The following ARHGEF26 variants were observed in gnomAD, a reference collection of about 807,000 sequenced individuals.
ARHGEF26 encodes Rho guanine nucleotide exchange factor 26, also known as Rho guanine nucleotide exchange factor (GEF) 26.
Under a neutral mutation model 89.4 loss-of-function variants are expected in ARHGEF26, and 59 were observed. The observed-to-expected ratio is 0.66, with a 90% CI of 0.54 to 0.82. ARHGEF26 has a LOEUF of 0.82. Ranked by LOEUF, ARHGEF26 falls within the 40% of genes least tolerant of loss-of-function variation. The probability of loss-of-function intolerance (pLI) is 0.00; values close to 1 mark genes in which losing one functional copy is unlikely to be tolerated. For missense variants in ARHGEF26, 1,234 were observed against 1,085.6 expected (o/e 1.14, Z -1.92); for synonymous variants, 500 against 428.4 (o/e 1.17, Z -2.06).
intron 6 of ARHGEF26, among the ~76,000 whole-genome samples, chr3:154,167,569 T>G (rs1338003196): frequency 1.3e-5 from 2 of 152,206 alleles, no homozygotes; most frequent in Non-Finnish European, 1.5e-5. Context: ...GTAACTTCAT[T>G]AAATGGGCAC....
intron 6 of ARHGEF26, among the ~76,000 whole-genome samples, chr3:154,163,435 A>C (rs1711791290): frequency 6.6e-6 from 1 of 152,158 alleles, no homozygotes; most frequent in Non-Finnish European, 1.5e-5. Flanking sequence ...ATTCTTCATA[A>C]TGTATTGGCA....
At chr3:154,226,080 G>A (rs541687399) in intron 11 of ARHGEF26, 70 bp downstream of exon 11, 32 of 1,331,378 alleles carry the variant, frequency 2.4e-5, no homozygotes, top group Middle Eastern at 1.9e-4. Flanking sequence ...ATGCCTGTTA[G>A]GGTGATCATC....
chr3:154,216,495 T>TTTTTTTG (rs1715744247), intron 9 of ARHGEF26, among the ~76,000 whole-genome samples: 1 of 27,772 alleles, frequency 3.6e-5, no homozygotes, highest in Non-Finnish European at 6.1e-5. Flanking sequence ...TTTTTTTATT[T>TTTTTTTG]TTTTTTATTT....
rs13315267 is a variant in ARHGEF26, at chr3:154,216,502, A to G, written c.1846-1367A>G. 1.0e-4 allele frequency among the ~76,000 whole-genome samples: 5 copies of G among 49,116 alleles called. 1 individual carries two copies. Among genetic ancestry groups the G allele is most frequent in the African/African-American group, 4.1e-4 (5 of 12,330 alleles). 32.2% of individuals were successfully genotyped at this position (49,116 alleles called of 152,430 possible). On this transcript the variant is annotated intron_variant, in intron 9 of 14. Transcript: ENST00000465093. ...TGTTTTTTTTTTTTTATTTTTTTTTATTTTTTATTTTTTTTTTATGTCTAT... is the reference window on the plus strand; with the variant it reads ...TGTTTTTTTTTTTTTATTTTTTTTTGTTTTTTATTTTTTTTTTATGTCTAT...
In ARHGEF26 at chr3:154,130,402, A is replaced by G. The variant is rs896275518; in HGVS notation, c.1269+683A>G. On this transcript the variant is annotated intron_variant, in intron 4 of 14. Transcript: ENST00000465093. Reference sequence around the variant, plus strand: ...GTGATCCGCCTGCCTCAGCCTCCCAAAGTGCTGGGATTACAGGCATGAGCC... The same window carrying G: ...GTGATCCGCCTGCCTCAGCCTCCCAGAGTGCTGGGATTACAGGCATGAGCC... Among the ~76,000 whole-genome samples the G allele has an allele frequency of 3.9e-5, 6 of 152,212 alleles. No individual in the cohort carries two copies. The South Asian group carries it at 1.0e-3, about 26-fold the overall frequency.
At chr3:154,191,456 T>A (rs779670937) in intron 8 of ARHGEF26, 38 bp downstream of exon 8, 2 of 1,587,878 alleles carry the variant, frequency 1.3e-6, no homozygotes, top group Non-Finnish European at 1.7e-6. Context: ...TGTGGATAGC[T>A]GTGCTTCTCT....
chr3:154,209,969 G>T (rs907145872), intron 9 of ARHGEF26, among the ~76,000 whole-genome samples: 16 of 152,310 alleles, frequency 1.1e-4, no homozygotes, highest in African/African-American at 3.8e-4. Context: ...ACAAGATGCA[G>T]TTCCTCCCAC....
Position 154,204,366 on chromosome 3 carries a change from G to A in ARHGEF26, c.1845+9648G>A, listed in dbSNP as rs1454425995. Among the ~76,000 whole-genome samples, 6 of 107,576 alleles carry A rather than the reference G, an allele frequency of 5.6e-5. No homozygotes were observed. In the Admixed American group the frequency reaches 7.7e-4, roughly 14 times the overall value. The allele number at this position is 107,576 out of a possible 152,430, so 70.6% of individuals were successfully genotyped here. A position where few individuals can be genotyped will look rare whatever the true frequency, so the allele number is the denominator to read the frequency against. ...TTTTTTTTTTTGAGACAAGAGTTTTGCTGTATCTCCCAGGCTGGAGTGCAG... is the reference window on the plus strand; with the variant it reads ...TTTTTTTTTTTGAGACAAGAGTTTTACTGTATCTCCCAGGCTGGAGTGCAG... On this transcript the variant is annotated intron_variant, in intron 9 of 14. Transcript: ENST00000465093.
At chr3:154,121,770 G>A (rs1276028381) in intron 1 of ARHGEF26, among the ~76,000 whole-genome samples, 172 bp from the exon 2 acceptor site, 1 of 152,196 alleles carries the variant, frequency 6.6e-6, no homozygotes, top group Non-Finnish European at 1.5e-5. Context: ...CCAGATTTCT[G>A]CCGGGAACCG....
rs748748466 is a variant in ARHGEF26, at chr3:154,122,004, G to C, written c.12G>C (p.Glu4Asp). MDG[E>D]SEVDFSSNSI... The stretch of plus-strand genomic sequence containing the variant: ...TTCGAGGCCCGGCTATGGACGGCGA[G>C]AGCGAGGTGGATTTTTCTAGCAACA... Residue 4 changes from glutamate to aspartate, a missense_variant, in exon 2 of 15, where the codon GAG (glutamate) becomes GAC (aspartate). Physicochemically the swap from Glu to Asp is conservative, Grantham distance 45 (BLOSUM62 2). Coordinates refer to ENST00000465093, the MANE Select transcript of ARHGEF26 (RefSeq NM_015595.4). The C allele has an allele frequency of 1.3e-6, 2 of 1,592,884 alleles. No individual in the cohort carries two copies. The highest frequency in any genetic ancestry group is 3.4e-5 in the Admixed American group (2 of 59,250).
At chr3:154,244,391 G>A (rs1412853759) in intron 12 of ARHGEF26, among the ~76,000 whole-genome samples, 1 of 152,102 alleles carries the variant, frequency 6.6e-6, no homozygotes, top group African/African-American at 2.4e-5. Flanking sequence ...AAGGAGTTGG[G>A]GCAAACAGTG....
Position 154,152,798 on chromosome 3 carries a change from A to C in ARHGEF26, c.1353A>C (p.Glu451Asp). 6.4e-7 allele frequency: 1 copy of C among 1,551,928 alleles called. No homozygotes were observed. The highest frequency in any genetic ancestry group is 8.7e-7 in the Non-Finnish European group (1 of 1,147,236). Reference sequence around the variant, plus strand: ...CTATCTTTGAAGTCATATCCTCTGAACATTCATATTTACTCAGCTTGGAGA... The same window carrying C: ...CTATCTTTGAAGTCATATCCTCTGACCATTCATATTTACTCAGCTTGGAGA... ...QEAIFEVISS[E>D]HSYLLSLEIL... Residue 451 changes from glutamate to aspartate, a missense_variant, in exon 6 of 15, where the codon GAA (glutamate) becomes GAC (aspartate). Coordinates refer to ENST00000465093, the MANE Select transcript of ARHGEF26 (RefSeq NM_015595.4).
At chr3:154,167,834 A>G (rs1712141041) in intron 6 of ARHGEF26, among the ~76,000 whole-genome samples, 1 of 152,168 alleles carries the variant, frequency 6.6e-6, no homozygotes, top group Admixed American at 6.5e-5. Context: ...TCTATACTTC[A>G]GGTTCATTAG....
intron 4 of ARHGEF26, 51 bp downstream of exon 4, chr3:154,129,770 G>A: frequency 1.3e-6 from 2 of 1,550,668 alleles, no homozygotes; most frequent in Non-Finnish European, 1.7e-6. Context: ...ACAAGTTTTG[G>A]AAATTATGTG....
At position 154,122,544 on chromosome 3, in the gene ARHGEF26, T is replaced by A. The variant is rs1047462860; in HGVS notation, c.552T>A (p.Ser184=). 9 of 1,613,368 alleles carry A rather than the reference T, an allele frequency of 5.6e-6. No individual in the cohort carries two copies. The highest frequency in any genetic ancestry group is 7.6e-6 in the Non-Finnish European group (9 of 1,179,900). ...ATGGCCTTGCCGCTAATAACGACTCTCCTGGGTCAGGTTCGCAGTCCGGCC... is the reference window on the plus strand; with the variant it reads ...ATGGCCTTGCCGCTAATAACGACTCACCTGGGTCAGGTTCGCAGTCCGGCC... ...TANGLAANND[S]PGSGSQSGRK... The change falls in exon 2 of 15, where the codon TCT becomes TCA. Residue 184 remains serine (S), a synonymous_variant. Transcript: ENST00000465093.
At chr3:154,206,075 G>A (rs1325454377) in intron 9 of ARHGEF26, among the ~76,000 whole-genome samples, 2 of 152,142 alleles carry the variant, frequency 1.3e-5, no homozygotes, top group African/African-American at 4.8e-5. Context: ...GAAAGGTCTA[G>A]TGTTGATGAA....
At chr3:154,211,674 T>C (rs1435402857) in intron 9 of ARHGEF26, among the ~76,000 whole-genome samples, 1 of 152,180 alleles carries the variant, frequency 6.6e-6, no homozygotes, top group Non-Finnish European at 1.5e-5. Flanking sequence ...TAAATTGGTG[T>C]CCTTGAAGAG....
At chr3:154,213,214 A>AGTGTGTGTGTGTGT (rs1451428399) in intron 9 of ARHGEF26, among the ~76,000 whole-genome samples, 2 of 136,044 alleles carry the variant, frequency 1.5e-5, no homozygotes. Context: ...AGAGAGAGAG[A>AGTGTGTGTGTGTGT]GAGTGTGTGT....
At chr3:154,217,984 G>T in intron 10 of ARHGEF26, 26 bp downstream of exon 10, 1 of 1,536,456 alleles carries the variant, frequency 6.5e-7, no homozygotes, top group Non-Finnish European at 8.8e-7. Flanking sequence ...GTTCATTACT[G>T]TTCTTGCCTA....
Sources: allele counts gnomAD v4.1 joint callset (sites outside exome capture counted in the v4.1 genomes callset), GRCh38; gene constraint gnomAD v4.1.1; transcripts MANE v1.5; gene names NCBI Gene and HGNC (gene_info 2026-07-23, HGNC 2026-07-21).